The following LRP1B variants were observed in gnomAD, a reference collection of about 807,000 sequenced individuals.
LRP1B encodes the protein low-density lipoprotein receptor-related protein 1B.
LRP1B carries 217 observed loss-of-function variants against 556.6 expected under a neutral mutation model. That is an observed-to-expected ratio of 0.39 (90% CI 0.35 to 0.44). The LOEUF (loss-of-function observed/expected upper bound fraction) is 0.44. LRP1B is among the 20% of genes least tolerant of loss of function. The pLI is 1.00. For synonymous variants in LRP1B, 2,047 were observed against 1,865.8 expected (o/e 1.10, Z -2.50); for missense variants, 5,053 against 5,620.8 (o/e 0.90, Z 3.23).
chr2:141,508,649 G>GT (rs34119540), intron 2 of LRP1B, among the ~76,000 whole-genome samples: 4 of 151,210 alleles, frequency 2.6e-5, no homozygotes, highest in African/African-American at 9.7e-5. Context: ...ACACATCTCT[G>GT]TTTTTTTTTT....
chr2:140,533,168 C>A (rs1690795952), intron 47 of LRP1B, among the ~76,000 whole-genome samples: 1 of 151,782 alleles, frequency 6.6e-6, no homozygotes, highest in Non-Finnish European at 1.5e-5. Context: ...TAAAACTTAT[C>A]ATTTATTCAG....
chr2:140,713,641 A>T (rs902903971), intron 37 of LRP1B, among the ~76,000 whole-genome samples: 2 of 152,010 alleles, frequency 1.3e-5, no homozygotes, highest in African/African-American at 4.8e-5. Context: ...GCAATTTTTT[A>T]AAAATATATA....
intron 7 of LRP1B, among the ~76,000 whole-genome samples, chr2:141,090,571 C>T (rs573116554): frequency 1.3e-5 from 2 of 152,270 alleles, no homozygotes; most frequent in East Asian, 3.9e-4. Flanking sequence ...CTACATTTCT[C>T]TTATGCAGAT....
At chr2:140,802,026 GC>G (rs1690531913) in intron 32 of LRP1B, among the ~76,000 whole-genome samples, 1 of 152,076 alleles carries the variant, frequency 6.6e-6, no homozygotes, top group African/African-American at 2.4e-5. Context: ...AAAAAAACTG[GC>G]CCCAGTTCCC....
rs549203888 is a variant in LRP1B, at chr2:140,318,609, G to A, written c.12640+3354C>T. The stretch of plus-strand genomic sequence containing the variant: ...GTATTGTGCTAGCCCTTCTATGCAC[G>A]TTATTGCTAGAATTTCCAATAACTC... On this transcript the variant is annotated intron_variant, in intron 82 of 90. Transcript: ENST00000389484. Among the ~76,000 whole-genome samples, 400 of 152,164 alleles carry A rather than the reference G, an allele frequency of 2.6e-3. 1 individual carries two copies. The highest frequency in any genetic ancestry group is 9.4e-3 in the African/African-American group (390 of 41,536).
intron 3 of LRP1B, among the ~76,000 whole-genome samples, chr2:141,470,265 T>C (rs1682411498): frequency 6.6e-6 from 1 of 152,218 alleles, no homozygotes; most frequent in Admixed American, 6.5e-5. Flanking sequence ...AGAGTCAAAA[T>C]GAACAGTTCC....
intron 18 of LRP1B, among the ~76,000 whole-genome samples, chr2:140,953,530 G>T (rs1573917010): frequency 6.6e-6 from 1 of 152,262 alleles, no homozygotes; most frequent in South Asian, 2.1e-4. Context: ...TAAAATATTT[G>T]TAAATATTTT....
At chr2:141,635,262 T>C (rs1689073187) in intron 2 of LRP1B, among the ~76,000 whole-genome samples, 1 of 152,130 alleles carries the variant, frequency 6.6e-6, no homozygotes, top group African/African-American at 2.4e-5. Flanking sequence ...TAAAATATTA[T>C]TTAGAGAAAA....
chr2:140,279,742 G>A (rs1485659012), intron 84 of LRP1B, among the ~76,000 whole-genome samples: 1 of 151,780 alleles, frequency 6.6e-6, no homozygotes, highest in Non-Finnish European at 1.5e-5. Context: ...GGTTCTAAAG[G>A]TTACTTTACT....
intron 83 of LRP1B, among the ~76,000 whole-genome samples, chr2:140,306,540 C>G (rs970085532): frequency 1.3e-5 from 2 of 151,782 alleles, no homozygotes; most frequent in Non-Finnish European, 2.9e-5. Flanking sequence ...TGATTCTTCT[C>G]TCTTTCTATC....
intron 6 of LRP1B, among the ~76,000 whole-genome samples, chr2:141,205,783 G>A: frequency 6.6e-6 from 1 of 152,112 alleles, no homozygotes; most frequent in East Asian, 1.9e-4. Context: ...TTTCTGTTCA[G>A]AAATTTGGAG....
chr2:141,075,336 TATA>T (rs1198377128), intron 7 of LRP1B, among the ~76,000 whole-genome samples: 2 of 152,174 alleles, frequency 1.3e-5, no homozygotes, highest in Non-Finnish European at 2.9e-5. Context: ...AGCATTCCAA[TATA>T]ATATTAATTT....
At chr2:140,888,818 C>G (rs866049816) in intron 23 of LRP1B, among the ~76,000 whole-genome samples, 8 of 151,592 alleles carry the variant, frequency 5.3e-5, no homozygotes, top group Non-Finnish European at 8.8e-5. Flanking sequence ...ACAAAATTAT[C>G]CAGACATGGT....
chr2:142,115,550 TA>T lies in LRP1B; in HGVS notation c.82+15097del, dbSNP rs796428743. On this transcript the variant is annotated intron_variant, in intron 1 of 90. Transcript: ENST00000389484. ...ATATATATATTACATATGTAATATA[TA>T]TATTATATATGTAATATATATTATA... Among the ~76,000 whole-genome samples, 78 of 23,956 alleles carry T rather than the reference TA, an allele frequency of 3.3e-3. 1 individual carries two copies. The highest frequency in any genetic ancestry group is 0.013 in the East Asian group (6 of 456). The allele number at this position is 23,956 out of a possible 152,430, so 15.7% of individuals were successfully genotyped here. A position where few individuals can be genotyped will look rare whatever the true frequency, so the allele number is the denominator to read the frequency against.
chr2:140,845,433 G>A (rs868103592), intron 29 of LRP1B, among the ~76,000 whole-genome samples: 4 of 151,938 alleles, frequency 2.6e-5, no homozygotes, highest in Admixed American at 1.3e-4. Flanking sequence ...CAAGTCTTCT[G>A]TAAAAGAAAA....
intron 1 of LRP1B, among the ~76,000 whole-genome samples, chr2:142,049,137 T>C (rs72847083): frequency 0.069 from 10,471 of 152,036 alleles, 496 homozygotes; most frequent in Non-Finnish European, 0.094. Flanking sequence ...AAAGGCCCCT[T>C]TTTTTCTAAC....
At chr2:141,370,532 G>C (rs562724040) in intron 3 of LRP1B, among the ~76,000 whole-genome samples, 2 of 152,144 alleles carry the variant, frequency 1.3e-5, no homozygotes, top group South Asian at 4.1e-4. Flanking sequence ...TGGGTTCTTC[G>C]TAAATCCTGG....
rs148931142 is a variant in LRP1B at position 141,389,749 on chromosome 2, G to A, written c.343+90647C>T. 4.1e-3 allele frequency among the ~76,000 whole-genome samples: 623 copies of A among 152,282 alleles called. 2 individuals are homozygous for A. Among genetic ancestry groups the A allele is most frequent in the African/African-American group, 0.014 (576 of 41,568 alleles). ...AAATAATATATCCGATAAGGCTCTA[G>A]TATACAAAATATATATAATACTCTT... On this transcript the variant is annotated intron_variant, in intron 3 of 90. Coordinates refer to ENST00000389484, the MANE Select transcript of LRP1B (RefSeq NM_018557.3).
chr2:141,834,301 T>A (rs1214972381), intron 1 of LRP1B, among the ~76,000 whole-genome samples: 1 of 151,776 alleles, frequency 6.6e-6, no homozygotes, highest in Non-Finnish European at 1.5e-5. Context: ...ATAGAAAATA[T>A]TGACAAAAAC....
Sources: gnomAD v4.1 joint callset for allele counts (sites outside exome capture counted in the v4.1 genomes callset) on GRCh38, gnomAD v4.1.1 for gene constraint, MANE v1.5 for transcripts, NCBI Gene and HGNC (gene_info 2026-07-23, HGNC 2026-07-21) for gene names.